ADAMTS7: variants seen among roughly 807,000 people sequenced by gnomAD.
ADAMTS7 encodes A disintegrin and metalloproteinase with thrombospondin motifs 7.
In ADAMTS7, 89 loss-of-function variants were observed where a neutral mutation model predicts 172.6. The observed-to-expected ratio is 0.52, with a 90% CI of 0.43 to 0.61. ADAMTS7 has a LOEUF of 0.61. Among genes scored for constraint, ADAMTS7 ranks in the 20% least tolerant of loss-of-function variants. The probability of loss-of-function intolerance (pLI) is 0.00; values close to 1 mark genes in which losing one functional copy is unlikely to be tolerated. For missense variants in ADAMTS7, 1,973 were observed against 2,355.6 expected (o/e 0.84, Z 3.36); for synonymous variants, 885 against 978.4 (o/e 0.90, Z 1.78).
At position 78,764,625 on chromosome 15, in the gene ADAMTS7, C is replaced by T; in HGVS notation, c.4349G>A (p.Gly1450Asp). 6.4e-7 allele frequency: 1 copy of T among 1,553,268 alleles called. No individual in the cohort carries two copies. The highest frequency in any genetic ancestry group is 1.2e-5 in the South Asian group (1 of 85,874). ...SGRDEDCAPA[G>D]RPQPARRCHL... Reference sequence around the variant, plus strand: ...GCAGCGGCGGGCAGGCTGGGGCCGGCCAGCGGGGGCGCAGTCCTCATCCCG... The same window carrying T: ...GCAGCGGCGGGCAGGCTGGGGCCGGTCAGCGGGGGCGCAGTCCTCATCCCG... The change falls in exon 20 of 24, where the codon GGC becomes GAC. Residue 1450 changes from glycine (G) to aspartate (D), a missense_variant. By Grantham distance (94) the Gly-to-Asp change is moderately conservative (BLOSUM62 -1). Coordinates refer to ENST00000388820, the MANE Select transcript of ADAMTS7 (RefSeq NM_014272.5).
At chr15:78,800,985 C>T (rs927501052) in intron 1 of ADAMTS7, among the ~76,000 whole-genome samples, 2 of 152,146 alleles carry the variant, frequency 1.3e-5, no homozygotes, top group African/African-American at 4.8e-5. Context: ...AGGTGATACG[C>T]TCGCCTCGGC....
chr15:78,766,164 G>A lies in ADAMTS7; in HGVS notation c.3747C>T (p.Thr1249=), dbSNP rs1402046732. The A allele has an allele frequency of 7.4e-6, 12 of 1,611,498 alleles. No individual in the cohort carries two copies. The highest frequency in any genetic ancestry group is 1.0e-5 in the Non-Finnish European group (12 of 1,179,766). The part of the protein sequence containing the change: ...TLPPLSPVGS[T]HSSPSPDVAE... ...CCACGTCAGGACTAGGAGAGGAGTG[G>A]GTGCTGCCAACAGGGGACAAAGGGG... The change falls in exon 19 of 24, where the codon ACC becomes ACT. Residue 1249 remains threonine (T), a synonymous_variant. Transcript: ENST00000388820.
At chr15:78,805,730 G>C (rs1477744526) in intron 1 of ADAMTS7, among the ~76,000 whole-genome samples, 1 of 152,136 alleles carries the variant, frequency 6.6e-6, no homozygotes, top group Non-Finnish European at 1.5e-5. Context: ...CTAACTGTGA[G>C]GGGGCACTAG....
At position 78,771,884 on chromosome 15, in the gene ADAMTS7, C is replaced by T. The variant is rs1279572791; in HGVS notation, c.2132-55G>A. ...GCCCAGGGTGAGAGGGTTGCTTATC[C>T]CCACCCGCTCCCCTCATGTCTCTCC... On this transcript the variant is annotated intron_variant, in intron 14 of 23. Transcript: ENST00000388820. This position sits in a 1 kb window ranked among gnomAD's most constrained non-coding sequence, Gnocchi z 4.9. 6 of 1,570,724 alleles carry T rather than the reference C, an allele frequency of 3.8e-6. No individual in the cohort carries two copies. The highest frequency in any genetic ancestry group is 2.3e-5 in the South Asian group (2 of 85,348).
chr15:78,796,537 C>T (rs1458018940), intron 4 of ADAMTS7, 53 bp downstream of exon 4: 1 of 1,561,332 alleles, frequency 6.4e-7, no homozygotes, highest in African/African-American at 1.3e-5. Context: ...ACTCTTTGCA[C>T]CCCACCCCCC....
chr15:78,793,857 G>C (rs2055611107), intron 4 of ADAMTS7, among the ~76,000 whole-genome samples: 1 of 152,210 alleles, frequency 6.6e-6, no homozygotes, highest in Non-Finnish European at 1.5e-5. Context: ...GGACAGAATG[G>C]GGCTTTGGAG....
chr15:78,804,133 T>C (rs940312093), intron 1 of ADAMTS7, among the ~76,000 whole-genome samples: 1 of 152,232 alleles, frequency 6.6e-6, no homozygotes, highest in African/African-American at 2.4e-5. Flanking sequence ...GTGCTGAGAC[T>C]GAGACTCAAG....
intron 8 of ADAMTS7, among the ~76,000 whole-genome samples, chr15:78,777,917 T>C (rs1222502829): frequency 2.0e-5 from 3 of 152,144 alleles, no homozygotes; most frequent in Non-Finnish European, 4.4e-5. Context: ...TCTCCGACCC[T>C]GCAGCCTCCG....
At chr15:78,760,988 C>G (rs1375763320) in intron 23 of ADAMTS7, among the ~76,000 whole-genome samples, 1 of 152,164 alleles carries the variant, frequency 6.6e-6, no homozygotes, top group African/African-American at 2.4e-5. Context: ...ATCATAACCA[C>G]CCCGCTCCCT....
At chr15:78,765,541 G>A in intron 19 of ADAMTS7, 104 bp downstream of exon 19, 1 of 1,551,776 alleles carries the variant, frequency 6.4e-7, no homozygotes, top group East Asian at 2.3e-5. Flanking sequence ...CCCAAGAGAG[G>A]CTAGACAGAC....
intron 4 of ADAMTS7, among the ~76,000 whole-genome samples, chr15:78,793,940 T>C (rs2055612340): frequency 6.6e-6 from 1 of 152,142 alleles, no homozygotes; most frequent in Non-Finnish European, 1.5e-5. Context: ...CCCCTTGACC[T>C]CTCTGAATCT....
chr15:78,791,326 G>C, intron 4 of ADAMTS7, 103 bp from the exon 5 acceptor site: 1 of 871,284 alleles, frequency 1.1e-6, no homozygotes, highest in Non-Finnish European at 1.7e-6. Context: ...GCACACCTGT[G>C]CTCACACACA....
intron 4 of ADAMTS7, among the ~76,000 whole-genome samples, chr15:78,793,287 G>A (rs1303393105): frequency 6.6e-6 from 1 of 151,994 alleles, no homozygotes; most frequent in Non-Finnish European, 1.5e-5. Flanking sequence ...ATTCTGTTGG[G>A]GATTCTCAAT....
At position 78,764,657 on chromosome 15, in the gene ADAMTS7, G is replaced by T; in HGVS notation, c.4317C>A (p.Ser1439Arg). ...GGGCGCAGTCCTCATCCCGGCCGGAGCTACAGCGCACCGGCCTCCAGACCG... is the reference window on the plus strand; with the variant it reads ...GGGCGCAGTCCTCATCCCGGCCGGATCTACAGCGCACCGGCCTCCAGACCG... Reference protein sequence around the residue: ...LGAVWRPVRCSSGRDEDCAPA... With the variant: ...LGAVWRPVRCRSGRDEDCAPA... Residue 1439 changes from serine (S) to arginine (R), a missense_variant, in exon 20 of 24, where the codon AGC (serine) becomes AGA (arginine). By Grantham distance (110) the Ser-to-Arg change is moderately radical. This residue lies in a region of ADAMTS7 where 218 missense variants were observed against 216.9 expected (regional missense o/e 1.01). Transcript: ENST00000388820. The T allele has an allele frequency of 6.3e-7, 1 of 1,576,910 alleles. No individual in the cohort carries two copies. The highest frequency in any genetic ancestry group is 8.5e-7 in the Non-Finnish European group (1 of 1,170,282).
chr15:78,800,606 G>A, intron 1 of ADAMTS7, 59 bp from the exon 2 acceptor site: 1 of 1,514,958 alleles, frequency 6.6e-7, no homozygotes, highest in Non-Finnish European at 9.0e-7. Context: ...CTTGCTGGTG[G>A]CCGGGGACCA....
Position 78,765,692 on chromosome 15 carries a change from G to T in ADAMTS7, c.4219C>A (p.Pro1407Thr), listed in dbSNP as rs768525846. ...SLAEAGPPAD[P>T]LVVRNAGWQA... ...CAGCCGGCGTTCCTGACAACCAACG[G>T]GTCCGCGGGGGGCCCCGCTTCAGCC... Residue 1407 changes from proline to threonine, a missense_variant, in exon 19 of 24, where the codon CCG becomes ACG. Around this residue, in one of 8 missense-constraint regions of ADAMTS7, gnomAD observed 771 missense variants for 952.6 expected, o/e 0.81. Transcript: ENST00000388820. The T allele has an allele frequency of 3.7e-6, 6 of 1,610,440 alleles. No homozygotes were observed. The highest frequency in any genetic ancestry group is 2.2e-5 in the South Asian group (2 of 90,946).
intron 10 of ADAMTS7, 57 bp downstream of exon 10, chr15:78,776,691 CA>C: frequency 6.8e-7 from 1 of 1,479,502 alleles, no homozygotes; most frequent in Non-Finnish European, 9.2e-7. Flanking sequence ...AGGGCCTGGT[CA>C]CAGCAGGAAG....
In ADAMTS7 at chr15:78,811,347, C is replaced by A; in HGVS notation, c.-127G>T. ...GGCGTGCAGCTCCCGGCGACCCGGC[C>A]CCGACTCCGTTCGGCTGCGCTCGGT... is the stretch of plus-strand genomic sequence containing the variant. On this transcript the variant is annotated 5_prime_UTR_variant, in exon 1 of 24. Coordinates refer to ENST00000388820, the MANE Select transcript of ADAMTS7 (RefSeq NM_014272.5). 1 of 1,141,230 alleles carries A rather than the reference C, an allele frequency of 8.8e-7. No individual in the cohort carries two copies. Among genetic ancestry groups the A allele is most frequent in the Non-Finnish European group, 1.1e-6 (1 of 910,562 alleles). The allele number at this position is 1,141,230 out of a possible 1,614,324, so 70.7% of individuals were successfully genotyped here. A position where few individuals can be genotyped will look rare whatever the true frequency, so the allele number is the denominator to read the frequency against.
intron 8 of ADAMTS7, among the ~76,000 whole-genome samples, chr15:78,779,962 T>C (rs12900501): frequency 0.33 from 48,232 of 145,316 alleles, 8,560 homozygotes; most frequent in Middle Eastern, 0.42. Context: ...GAATCCACTG[T>C]GAGAATCAGG....
Sources: allele counts gnomAD v4.1 joint callset (sites outside exome capture counted in the v4.1 genomes callset), GRCh38; gene constraint gnomAD v4.1.1; regional missense constraint gnomAD v4.1.1; non-coding constraint Gnocchi (gnomAD v3.1); transcripts MANE v1.5; gene names NCBI Gene and HGNC (gene_info 2026-07-23, HGNC 2026-07-21).